ZNF407: variants seen among roughly 807,000 people sequenced by gnomAD.
ZNF407 encodes zinc finger protein 407.
ZNF407 carries 17 observed loss-of-function variants against 131.2 expected under a neutral mutation model. The ratio of observed to expected loss-of-function variants is 0.13; its 90% CI spans 0.09 to 0.19. The LOEUF (loss-of-function observed/expected upper bound fraction) is 0.19. Among genes scored for constraint, ZNF407 ranks in the 10% least tolerant of loss-of-function variants. ZNF407 has a pLI of 1.00. For synonymous variants in ZNF407, 1,156 were observed against 1,062.0 expected (o/e 1.09, Z -1.72); for missense variants, 2,681 against 2,830.6 (o/e 0.95, Z 1.20).
chr18:74,918,885 G>A (rs1373580933), intron 7 of ZNF407, among the ~76,000 whole-genome samples: 1 of 152,078 alleles, frequency 6.6e-6, no homozygotes, highest in Non-Finnish European at 1.5e-5. Context: ...GATTTGTTCA[G>A]TTTAATTATA....
chr18:74,822,720 T>G (rs1477071285), intron 4 of ZNF407, among the ~76,000 whole-genome samples: 2 of 152,210 alleles, frequency 1.3e-5, no homozygotes, highest in African/African-American at 4.8e-5. Flanking sequence ...CTTTGTTATT[T>G]TTGCTTAGGA....
rs80264398 is a variant in ZNF407, at chr18:74,885,172, T to C, written c.5128+4053T>C. On this transcript the variant is annotated intron_variant, in intron 6 of 8. Coordinates refer to ENST00000299687, the MANE Select transcript of ZNF407 (RefSeq NM_017757.3). ...TATTATACAGCAACCATAATCATAATAGTATCTTGGGGGTATAATGATGGC... is the reference window on the plus strand; with the variant it reads ...TATTATACAGCAACCATAATCATAACAGTATCTTGGGGGTATAATGATGGC... Among the ~76,000 whole-genome samples the C allele has an allele frequency of 2.0e-3, 302 of 152,238 alleles. 6 individuals carry two copies. The East Asian group carries it at 0.052, about 26-fold the overall frequency.
At chr18:74,710,130 A>G (rs1413142288) in intron 3 of ZNF407, among the ~76,000 whole-genome samples, 2 of 152,172 alleles carry the variant, frequency 1.3e-5, no homozygotes, top group African/African-American at 2.4e-5. Context: ...CCGGTTTTGA[A>G]TGATGGCAGA....
intron 4 of ZNF407, among the ~76,000 whole-genome samples, chr18:74,827,677 G>A (rs912048507): frequency 1.1e-4 from 17 of 152,098 alleles, no homozygotes; most frequent in Non-Finnish European, 2.5e-4. Context: ...GTAGATAATG[G>A]CATTTAGAAA....
intron 3 of ZNF407, among the ~76,000 whole-genome samples, chr18:74,762,318 A>G (rs1325675528): frequency 6.6e-6 from 1 of 152,158 alleles, no homozygotes; most frequent in Non-Finnish European, 1.5e-5. Context: ...TTACTTGTGT[A>G]TGAGTGTATA....
chr18:75,029,251 C>T (rs17055215), intron 8 of ZNF407, among the ~76,000 whole-genome samples: 7,233 of 152,252 alleles, frequency 0.048, 205 homozygotes, highest in African/African-American at 0.076. Flanking sequence ...AACTGTTGCC[C>T]TTCAAAAGAT....
intron 1 of ZNF407, among the ~76,000 whole-genome samples, chr18:74,604,917 C>T (rs1333095125): frequency 6.6e-6 from 1 of 152,176 alleles, no homozygotes; most frequent in African/African-American, 2.4e-5. Flanking sequence ...CATAGTTCAT[C>T]AAAGTCTGGA....
intron 8 of ZNF407, among the ~76,000 whole-genome samples, chr18:75,033,359 A>C (rs1473524134): frequency 2.0e-5 from 3 of 152,242 alleles, no homozygotes; most frequent in African/African-American, 4.8e-5. Flanking sequence ...TAGTGCTTCA[A>C]ATCTTGTTCT....
Position 74,633,807 on chromosome 18 carries a change from G to A in ZNF407, c.2788G>A (p.Ala930Thr). Reference sequence around the variant, plus strand: ...TGGCCCTGAAGGGGGTAGCCTTGAAGCTGGTAAAAAGAATGCTGGCTCAGC... The same window carrying A: ...TGGCCCTGAAGGGGGTAGCCTTGAAACTGGTAAAAAGAATGCTGGCTCAGC... Reference protein sequence around the residue: ...IVGPEGGSLEAGKKNAGSAVT... With the variant: ...IVGPEGGSLETGKKNAGSAVT... Residue 930 changes from alanine (A) to threonine (T), a missense_variant, in exon 2 of 9, where the codon GCT becomes ACT. Ala to Thr is a moderately conservative substitution (Grantham distance 58). Coordinates refer to ENST00000299687, the MANE Select transcript of ZNF407 (RefSeq NM_017757.3). 6.2e-7 allele frequency: 1 copy of A among 1,613,960 alleles called. No individual in the cohort carries two copies. The highest frequency in any genetic ancestry group is 1.7e-5 in the Admixed American group (1 of 60,018).
chr18:74,817,915 G>A (rs1970289430), intron 4 of ZNF407, among the ~76,000 whole-genome samples: 1 of 152,188 alleles, frequency 6.6e-6, no homozygotes. Context: ...ACCTGAGTGA[G>A]GTAGAATGGG....
chr18:74,692,869 T>G (rs1432360831), intron 3 of ZNF407, among the ~76,000 whole-genome samples: 4 of 152,194 alleles, frequency 2.6e-5, no homozygotes, highest in African/African-American at 7.2e-5. Context: ...GTGGTTGCCC[T>G]TCTCCTGCTG....
intron 8 of ZNF407, among the ~76,000 whole-genome samples, chr18:74,970,894 G>GC (rs1972464910): frequency 6.6e-6 from 1 of 152,244 alleles, no homozygotes; most frequent in South Asian, 2.1e-4. Flanking sequence ...TGAGGGCCCT[G>GC]CCCCTGCAGC....
At chr18:74,978,511 A>G (rs1182573678) in intron 8 of ZNF407, among the ~76,000 whole-genome samples, 2 of 152,146 alleles carry the variant, frequency 1.3e-5, no homozygotes, top group African/African-American at 4.8e-5. Flanking sequence ...GAACATTTTT[A>G]GAGACCAACT....
At chr18:74,724,530 C>A (rs532022601) in intron 3 of ZNF407, among the ~76,000 whole-genome samples, 61 of 152,158 alleles carry the variant, frequency 4.0e-4, no homozygotes, top group Non-Finnish European at 7.5e-4. Context: ...TCCATGAGAT[C>A]AACTTTTTTT....
At chr18:74,695,563 A>G (rs1967334574) in intron 3 of ZNF407, among the ~76,000 whole-genome samples, 1 of 149,960 alleles carries the variant, frequency 6.7e-6, no homozygotes, top group Non-Finnish European at 1.5e-5. Flanking sequence ...AAAGCCCTTG[A>G]TGTCTTCTTC....
chr18:75,049,596 G>A (rs536382702), intron 8 of ZNF407, among the ~76,000 whole-genome samples: 14 of 152,134 alleles, frequency 9.2e-5, no homozygotes, highest in South Asian at 8.3e-4. Context: ...CTAAGGCATC[G>A]CGTTTCAGTT....
At chr18:74,811,228 A>G (rs1292142371) in intron 4 of ZNF407, among the ~76,000 whole-genome samples, 3 of 152,230 alleles carry the variant, frequency 2.0e-5, no homozygotes, top group African/African-American at 4.8e-5. Context: ...ATAAGCAGAC[A>G]CTTCTCAAAA....
At chr18:74,644,541 C>A (rs1457691277) in intron 3 of ZNF407, among the ~76,000 whole-genome samples, 1 of 151,686 alleles carries the variant, frequency 6.6e-6, no homozygotes, top group African/African-American at 2.4e-5. Flanking sequence ...TTGTTAAATT[C>A]TTTTAAGTTT....
intron 3 of ZNF407, among the ~76,000 whole-genome samples, chr18:74,708,325 A>G (rs1967675060): frequency 6.6e-6 from 1 of 152,208 alleles, no homozygotes; most frequent in Non-Finnish European, 1.5e-5. Flanking sequence ...TGTAGTCATT[A>G]CATCATATCA....
Sources: gnomAD v4.1 joint callset for allele counts (sites outside exome capture counted in the v4.1 genomes callset) on GRCh38, gnomAD v4.1.1 for gene constraint, MANE v1.5 for transcripts, NCBI Gene and HGNC (gene_info 2026-07-23, HGNC 2026-07-21) for gene names.